The following JAZF1 variants were observed in gnomAD, a reference collection of about 807,000 sequenced individuals.
The protein encoded by JAZF1 is juxtaposed with another zinc finger protein 1.
Under a neutral mutation model 26.4 loss-of-function variants are expected in JAZF1, and 8 were observed. The observed-to-expected ratio is 0.30, with a 90% CI of 0.18 to 0.55. The LOEUF (loss-of-function observed/expected upper bound fraction) is 0.55. Ranked by LOEUF, JAZF1 falls within the 20% of genes least tolerant of loss-of-function variation. JAZF1 has a pLI of 0.94. For missense variants in JAZF1, 199 were observed against 322.0 expected, an observed-to-expected ratio of 0.62 and a Z score of 2.92; for synonymous variants, 126 against 122.3, an observed-to-expected ratio of 1.03 and a Z score of -0.20.
chr7:27,946,536 T>C (rs925011419), intron 2 of JAZF1, among the ~76,000 whole-genome samples: 3 of 152,232 alleles, frequency 2.0e-5, no homozygotes, highest in African/African-American at 7.2e-5. Context: ...CTTGAAGTTT[T>C]GGAGTACTCA....
chr7:27,928,445 C>T (rs941867800), intron 2 of JAZF1, among the ~76,000 whole-genome samples: 4 of 152,190 alleles, frequency 2.6e-5, no homozygotes, highest in African/African-American at 7.2e-5. Context: ...ACTGGGATGT[C>T]GCAGTCAATC....
intron 1 of JAZF1, among the ~76,000 whole-genome samples, chr7:28,115,148 G>A (rs908505724): frequency 1.2e-4 from 18 of 152,166 alleles, no homozygotes; most frequent in Admixed American, 1.2e-3. Flanking sequence ...GTGGATAGGA[G>A]GCTACATCAG....
At chr7:27,861,305 G>A (rs986666722) in intron 3 of JAZF1, among the ~76,000 whole-genome samples, 2 of 151,864 alleles carry the variant, frequency 1.3e-5, no homozygotes, top group African/African-American at 4.8e-5. Context: ...AAATTTCTTT[G>A]AAAAAAATTT....
At chr7:27,998,008 A>C (rs954825850) in intron 1 of JAZF1, among the ~76,000 whole-genome samples, 2 of 150,050 alleles carry the variant, frequency 1.3e-5, no homozygotes, top group African/African-American at 2.5e-5. Flanking sequence ...GAAGGGAGGA[A>C]GAGAGGAATG....
chr7:27,931,008 G>C (rs1271177079), intron 2 of JAZF1, among the ~76,000 whole-genome samples: 1 of 152,204 alleles, frequency 6.6e-6, no homozygotes, highest in African/African-American at 2.4e-5. Context: ...AATCTAAGTA[G>C]ATTAAATGAC....
At chr7:28,174,369 C>T (rs1023297231) in intron 1 of JAZF1, among the ~76,000 whole-genome samples, 1 of 152,172 alleles carries the variant, frequency 6.6e-6, no homozygotes, top group Non-Finnish European at 1.5e-5. Context: ...TCCAAACAGT[C>T]CCAGGGAAGC....
At chr7:28,135,989 C>A (rs182949002) in intron 1 of JAZF1, among the ~76,000 whole-genome samples, 15 of 152,284 alleles carry the variant, frequency 9.9e-5, no homozygotes, top group Middle Eastern at 3.4e-3. Flanking sequence ...GGATTGCCAA[C>A]TGTACAAATA....
At chr7:27,898,285 T>TCA (rs1784104303) in intron 2 of JAZF1, among the ~76,000 whole-genome samples, 1 of 23,736 alleles carries the variant, frequency 4.2e-5, no homozygotes, top group African/African-American at 1.1e-4. Flanking sequence ...TACGTCTAAC[T>TCA]CATATATATA....
intron 2 of JAZF1, among the ~76,000 whole-genome samples, chr7:27,986,789 G>C (rs1785722271): frequency 6.6e-6 from 1 of 152,134 alleles, no homozygotes; most frequent in South Asian, 2.1e-4. Flanking sequence ...CCCAGTGCCT[G>C]GGATTGCAGG....
intron 3 of JAZF1, among the ~76,000 whole-genome samples, chr7:27,849,246 T>C (rs1783086110): frequency 6.6e-6 from 1 of 151,930 alleles, no homozygotes; most frequent in Non-Finnish European, 1.5e-5. Context: ...TGACGTTCAG[T>C]GTGTGAGCAG....
intron 1 of JAZF1, among the ~76,000 whole-genome samples, chr7:28,145,685 C>A (rs1213621734): frequency 6.6e-6 from 1 of 151,400 alleles, no homozygotes; most frequent in Non-Finnish European, 1.5e-5. Flanking sequence ...TGGGTTCTGG[C>A]AAATGCATAT....
intron 2 of JAZF1, among the ~76,000 whole-genome samples, chr7:27,911,931 T>TGGG (rs933455620): frequency 1.3e-4 from 20 of 152,326 alleles, no homozygotes; most frequent in African/African-American, 4.6e-4. Context: ...GATGAACATC[T>TGGG]GGGGTACAAA....
intron 1 of JAZF1, among the ~76,000 whole-genome samples, chr7:28,154,289 A>G (rs1299068775): frequency 6.6e-6 from 1 of 152,218 alleles, no homozygotes; most frequent in Non-Finnish European, 1.5e-5. Flanking sequence ...GATGTGAAAT[A>G]AGCCCTTAGT....
At chr7:28,028,731 A>C (rs1235864766) in intron 1 of JAZF1, among the ~76,000 whole-genome samples, 1 of 152,218 alleles carries the variant, frequency 6.6e-6, no homozygotes, top group Non-Finnish European at 1.5e-5. Flanking sequence ...GCAACTATTC[A>C]TTCAACCAAT....
At position 28,137,169 on chromosome 7, in the gene JAZF1, T is replaced by C. The variant is rs75003622; in HGVS notation, c.115+43294A>G. ...ACTCAGAACCTCTCACTCCAAAGCC[T>C]GCAGAGAACTGCGGTGCTGTTTGGC... On this transcript the variant is annotated intron_variant, in intron 1 of 4. Coordinates refer to ENST00000283928, the MANE Select transcript of JAZF1 (RefSeq NM_175061.4). Among the ~76,000 whole-genome samples, 935 of 152,296 alleles carry C rather than the reference T, an allele frequency of 6.1e-3. 5 individuals carry two copies. Among genetic ancestry groups the C allele is most frequent in the South Asian group, 0.012 (60 of 4,830 alleles).
At chr7:28,149,838 T>C (rs769864701) in intron 1 of JAZF1, among the ~76,000 whole-genome samples, 4 of 152,204 alleles carry the variant, frequency 2.6e-5, no homozygotes, top group African/African-American at 4.8e-5. Context: ...TTCCCTACGT[T>C]TTCTTCCCCT....
At chr7:28,116,829 T>C (rs896912207) in intron 1 of JAZF1, among the ~76,000 whole-genome samples, 1 of 152,086 alleles carries the variant, frequency 6.6e-6, no homozygotes, top group Non-Finnish European at 1.5e-5. Context: ...ATTTTCTTTT[T>C]CTTTTTTCTT....
intron 1 of JAZF1, among the ~76,000 whole-genome samples, chr7:28,032,930 C>G (rs544167917): frequency 8.5e-5 from 13 of 152,272 alleles, no homozygotes; most frequent in African/African-American, 3.1e-4. Flanking sequence ...CAACTCCCCT[C>G]AGCTCCCCAC....
intron 1 of JAZF1, among the ~76,000 whole-genome samples, chr7:28,136,244 G>A (rs946182516): frequency 6.6e-6 from 1 of 152,150 alleles, no homozygotes; most frequent in African/African-American, 2.4e-5. Context: ...GAAGAAGCTG[G>A]GACACAGAGT....
Sources: allele counts gnomAD v4.1 joint callset (sites outside exome capture counted in the v4.1 genomes callset), GRCh38; gene constraint gnomAD v4.1.1; transcripts MANE v1.5; gene names NCBI Gene and HGNC (gene_info 2026-07-23, HGNC 2026-07-21).